Variants in STRN observed in about 807,000 individuals in gnomAD.
STRN encodes striatin.
In STRN, 53 loss-of-function variants were observed where a neutral mutation model predicts 96.3. The ratio of observed to expected loss-of-function variants is 0.55; its 90% confidence interval spans 0.44 to 0.69. The LOEUF (loss-of-function observed/expected upper bound fraction) is 0.69, where lower values mean the gene tolerates loss of function less well. STRN is among the 30% of genes least tolerant of loss of function. STRN has a pLI of 0.00. For missense variants in STRN, 987 were observed against 963.9 expected, an observed-to-expected ratio of 1.02 and a Z score of -0.32; for synonymous variants, 428 against 355.9, an observed-to-expected ratio of 1.20 and a Z score of -2.28.
At position 36,843,924 on chromosome 2, in the gene STRN, T is replaced by G. The variant is rs1269845610; in HGVS notation, c.*5532A>C. Reference sequence around the variant, plus strand: ...ACTTCTTGCACCACAAAAATTAGCATTTGGATTAATTTACATTAATTGATG... The same window carrying G: ...ACTTCTTGCACCACAAAAATTAGCAGTTGGATTAATTTACATTAATTGATG... On this transcript the variant is annotated 3_prime_UTR_variant, in exon 18 of 18. Transcript: ENST00000263918. 1 of 152,164 alleles carries G rather than the reference T, an allele frequency of 6.6e-6. No homozygotes were observed. The highest frequency in any genetic ancestry group is 1.5e-5 in the Non-Finnish European group (1 of 68,026). The allele number at this position is 152,164 out of a possible 1,614,324, so 9.4% of individuals were successfully genotyped here.
At chr2:36,867,888 A>G in intron 11 of STRN, 27 bp from the exon 12 acceptor site, 2 of 1,548,814 alleles carry the variant, frequency 1.3e-6, no homozygotes, top group Non-Finnish European at 1.7e-6. Flanking sequence ...TGACTTTACC[A>G]TTCTAAGTGT....
chr2:36,946,828 T>C (rs757504609), intron 1 of STRN, among the ~76,000 whole-genome samples: 1 of 152,232 alleles, frequency 6.6e-6, no homozygotes, highest in Non-Finnish European at 1.5e-5. Flanking sequence ...TGTAAAAAAG[T>C]TGATAGTTTC....
At chr2:36,940,446 A>C (rs1203945911) in intron 1 of STRN, among the ~76,000 whole-genome samples, 1 of 152,186 alleles carries the variant, frequency 6.6e-6, no homozygotes, top group Non-Finnish European at 1.5e-5. Context: ...ACAGTTGAAA[A>C]TATTAATAGT....
chr2:36,956,654 A>C (rs749692640), intron 1 of STRN, among the ~76,000 whole-genome samples: 1 of 152,216 alleles, frequency 6.6e-6, no homozygotes, highest in Non-Finnish European at 1.5e-5. Flanking sequence ...CTGCATAGCA[A>C]AGGGTTTTGT....
At chr2:36,875,711 C>T (rs140693643) in intron 10 of STRN, among the ~76,000 whole-genome samples, 2,721 of 147,530 alleles carry the variant, frequency 0.018, 81 homozygotes, top group African/African-American at 0.064. Flanking sequence ...CGCTGGAGTG[C>T]GGTGGCGCAA....
intron 3 of STRN, among the ~76,000 whole-genome samples, chr2:36,915,013 C>G (rs911662902): frequency 1.3e-5 from 2 of 151,224 alleles, no homozygotes; most frequent in African/African-American, 4.9e-5. Flanking sequence ...CTGGCTAACA[C>G]GGTGAAACCC....
chr2:36,849,324 C>A lies in STRN; in HGVS notation c.*132G>T, dbSNP rs997341056. ...GTATATGAATTGCAAAACTATACTTCAACAAATGTTCTCTGTGCTCCTTCA... is the reference window on the plus strand; with the variant it reads ...GTATATGAATTGCAAAACTATACTTAAACAAATGTTCTCTGTGCTCCTTCA... On this transcript the variant is annotated 3_prime_UTR_variant, in exon 18 of 18. Coordinates refer to ENST00000263918, the MANE Select transcript of STRN (RefSeq NM_003162.4). 1.8e-6 allele frequency: 2 copies of A among 1,098,378 alleles called. No homozygotes were observed. The highest frequency in any genetic ancestry group is 1.6e-5 in the African/African-American group (1 of 63,114). 68.0% of individuals were successfully genotyped at this position (1,098,378 alleles called of 1,614,324 possible). A position where few individuals can be genotyped will look rare whatever the true frequency, so the allele number is the denominator to read the frequency against.
intron 12 of STRN, among the ~76,000 whole-genome samples, chr2:36,865,782 A>G (rs1440771485): frequency 1.3e-5 from 2 of 151,592 alleles, no homozygotes; most frequent in African/African-American, 2.4e-5. Context: ...GGCTGGTCTC[A>G]AACTCCTGAC....
chr2:36,867,915 TA>T, intron 11 of STRN, 54 bp from the exon 12 acceptor site: 1 of 1,343,546 alleles, frequency 7.4e-7, no homozygotes, highest in Non-Finnish European at 1.0e-6. Context: ...ACAGTATAAT[TA>T]AACATATGTC....
intron 1 of STRN, among the ~76,000 whole-genome samples, chr2:36,942,877 G>T (rs1428767020): frequency 1.4e-5 from 2 of 143,612 alleles, no homozygotes; most frequent in Non-Finnish European, 3.1e-5. Context: ...TGAATTTTTG[G>T]TAAAGACAGA....
At chr2:36,936,464 T>C (rs1360839563) in intron 1 of STRN, among the ~76,000 whole-genome samples, 1 of 152,208 alleles carries the variant, frequency 6.6e-6, no homozygotes, top group Non-Finnish European at 1.5e-5. Flanking sequence ...TTCTGTGAAG[T>C]ATTAACAATG....
intron 9 of STRN, among the ~76,000 whole-genome samples, chr2:36,882,637 C>A (rs1285691323): frequency 6.6e-6 from 1 of 152,146 alleles, no homozygotes; most frequent in East Asian, 1.9e-4. Flanking sequence ...GGCATGGTGG[C>A]ATGTGCCTAT....
At chr2:36,910,804 T>G (rs991152716) in intron 3 of STRN, among the ~76,000 whole-genome samples, 7 of 152,168 alleles carry the variant, frequency 4.6e-5, no homozygotes, top group Admixed American at 2.0e-4. Context: ...CTGGATATAT[T>G]CAACTTTAAA....
intron 1 of STRN, among the ~76,000 whole-genome samples, chr2:36,952,200 C>T (rs1664770774): frequency 6.6e-6 from 1 of 152,162 alleles, no homozygotes; most frequent in African/African-American, 2.4e-5. Flanking sequence ...TAACCTGAAA[C>T]AAATTTTTTA....
chr2:36,858,264 C>A (rs1267769325), intron 13 of STRN, among the ~76,000 whole-genome samples: 1 of 151,924 alleles, frequency 6.6e-6, no homozygotes, highest in African/African-American at 2.4e-5. Context: ...CTTAAAAAAA[C>A]TGAGTATTTC....
chr2:36,851,465 AGAGC>A (rs1301249895), intron 15 of STRN, among the ~76,000 whole-genome samples: 2 of 152,216 alleles, frequency 1.3e-5, no homozygotes, highest in Non-Finnish European at 2.9e-5. Context: ...CCTAGGTGTC[AGAGC>A]GAGACTCCAT....
chr2:36,966,494 G>T lies in STRN; in HGVS notation c.-31C>A. On this transcript the variant is annotated 5_prime_UTR_variant, in exon 1 of 18. Coordinates refer to ENST00000263918, the MANE Select transcript of STRN (RefSeq NM_003162.4). ...CCGCAGATACCCGGGGAGCTGCCCCGGCGCCCAGCAGCGGAGGCAACAGCG... is the reference window on the plus strand; with the variant it reads ...CCGCAGATACCCGGGGAGCTGCCCCTGCGCCCAGCAGCGGAGGCAACAGCG... 1 of 1,396,166 alleles carries T rather than the reference G, an allele frequency of 7.2e-7. No homozygotes were observed. Among genetic ancestry groups the T allele is most frequent in the South Asian group, 1.5e-5 (1 of 64,768 alleles). The allele number at this position is 1,396,166 out of a possible 1,614,324, so 86.5% of individuals were successfully genotyped here.
chr2:36,931,398 T>G (rs561567366), intron 1 of STRN, among the ~76,000 whole-genome samples: 1 of 152,340 alleles, frequency 6.6e-6, no homozygotes, highest in Non-Finnish European at 1.5e-5. Flanking sequence ...CTACCCACAA[T>G]GTACTTCCAA....
At position 36,873,855 on chromosome 2, in the gene STRN, A is replaced by G. The variant is rs370114919; in HGVS notation, c.1323+4036T>C. Among the ~76,000 whole-genome samples, 20 of 151,944 alleles carry G rather than the reference A, an allele frequency of 1.3e-4. No individual in the cohort carries two copies. In the East Asian group the frequency reaches 3.1e-3, roughly 24 times the overall value. On this transcript the variant is annotated intron_variant, in intron 10 of 17. Coordinates refer to ENST00000263918, the MANE Select transcript of STRN (RefSeq NM_003162.4). ...CTACCCGAGAGGCTGAGGCAGGAGA[A>G]TTGCTTGAACCTGGGAGGCAGAGGT...
Sources: gnomAD v4.1 joint callset for allele counts (sites outside exome capture counted in the v4.1 genomes callset) on GRCh38, gnomAD v4.1.1 for gene constraint, MANE v1.5 for transcripts, NCBI Gene and HGNC (gene_info 2026-07-23, HGNC 2026-07-21) for gene names.